SOS2: variants seen among roughly 807,000 people sequenced by gnomAD.
The protein encoded by SOS2 is son of sevenless homolog 2.
A neutral mutation model predicts 148.2 loss-of-function variants in SOS2; 65 were observed. The observed-to-expected ratio is 0.44, with a 90% CI of 0.36 to 0.54. The LOEUF (loss-of-function observed/expected upper bound fraction) is 0.54. Among genes scored for constraint, SOS2 ranks in the 20% least tolerant of loss-of-function variants. The pLI is 0.00. For synonymous variants in SOS2, 539 were observed against 537.1 expected, an observed-to-expected ratio of 1.00 and a Z score of -0.05; for missense variants, 1,341 against 1,590.2, an observed-to-expected ratio of 0.84 and a Z score of 2.67.
Position 50,218,526 on chromosome 14 carries a change from A to C in SOS2, c.87+12671T>G, listed in dbSNP as rs543716804. Among the ~76,000 whole-genome samples, 143 of 147,686 alleles carry C rather than the reference A, an allele frequency of 9.7e-4. 2 individuals are homozygous for C. Among genetic ancestry groups the C allele is most frequent in the Admixed American group, 2.6e-3 (38 of 14,844 alleles). On this transcript the variant is annotated intron_variant, in intron 1 of 22. Coordinates refer to ENST00000216373, the MANE Select transcript of SOS2 (RefSeq NM_006939.4). ...CGACAGAGCAAGACTCCATCCCCCC[A>C]AAAAAAAACAAAAACAAAAACAAAA...
chr14:50,181,757 C>T (rs953161949), intron 6 of SOS2, among the ~76,000 whole-genome samples: 1 of 151,926 alleles, frequency 6.6e-6, no homozygotes, highest in African/African-American at 2.4e-5. Context: ...GATAAGTTAT[C>T]TCTGGGTGTT....
At chr14:50,145,117 A>G in intron 16 of SOS2, 53 bp downstream of exon 16, 1 of 1,026,888 alleles carries the variant, frequency 9.7e-7, no homozygotes. Flanking sequence ...AATTTCTTTT[A>G]TGCTAATTTC....
chr14:50,213,142 A>C (rs1047926871), intron 1 of SOS2, among the ~76,000 whole-genome samples: 27 of 152,208 alleles, frequency 1.8e-4, no homozygotes, highest in Admixed American at 1.7e-3. Context: ...AAAGGAAATT[A>C]TAGGATGAGA....
At chr14:50,141,187 G>C (rs1480758553) in intron 16 of SOS2, among the ~76,000 whole-genome samples, 1 of 106,450 alleles carries the variant, frequency 9.4e-6, no homozygotes, top group Non-Finnish European at 1.7e-5. Flanking sequence ...CTGGGTGACA[G>C]AGCGAGACTC....
chr14:50,178,744 A>ATATAT (rs1555371335), intron 7 of SOS2, among the ~76,000 whole-genome samples: 1 of 140,356 alleles, frequency 7.1e-6, no homozygotes, highest in African/African-American at 2.7e-5. Flanking sequence ...ATATATATAT[A>ATATAT]TTTTTTGGAG....
At chr14:50,220,062 TG>T (rs1186000658) in intron 1 of SOS2, among the ~76,000 whole-genome samples, 1 of 151,684 alleles carries the variant, frequency 6.6e-6, no homozygotes, top group Non-Finnish European at 1.5e-5. Context: ...TCCCTACACC[TG>T]TATGCTTAGC....
intron 8 of SOS2, among the ~76,000 whole-genome samples, chr14:50,167,992 T>C (rs1257657795): frequency 3.3e-5 from 5 of 152,252 alleles, no homozygotes; most frequent in Admixed American, 6.5e-5. Flanking sequence ...TTGTTTCATA[T>C]TGAAATACTG....
At chr14:50,152,375 T>G (rs1456037125) in intron 13 of SOS2, among the ~76,000 whole-genome samples, 1 of 152,032 alleles carries the variant, frequency 6.6e-6, no homozygotes, top group South Asian at 2.1e-4. Flanking sequence ...TTCCAGAAGA[T>G]GTAAATATTA....
At chr14:50,194,721 T>C (rs1321186359) in intron 4 of SOS2, among the ~76,000 whole-genome samples, 2 of 150,622 alleles carry the variant, frequency 1.3e-5, no homozygotes, top group Non-Finnish European at 3.0e-5. Context: ...GAGGTTGCAG[T>C]GAGCCAAGAT....
rs78301753 is a variant in SOS2 at position 50,165,565 on chromosome 14, C to T, written c.1069-3956G>A. 4.3e-3 allele frequency among the ~76,000 whole-genome samples: 651 copies of T among 152,308 alleles called. 4 individuals carry two copies. Among genetic ancestry groups the T allele is most frequent in the African/African-American group, 0.015 (622 of 41,558 alleles). On this transcript the variant is annotated intron_variant, in intron 8 of 22. Transcript: ENST00000216373. ...CTCCTGCTTCATTGATCTCATAGTA[C>T]TACCTCTATTAGGCTCTTATAATAT...
chr14:50,146,167 A>G (rs1270985071), intron 14 of SOS2, among the ~76,000 whole-genome samples: 2 of 151,938 alleles, frequency 1.3e-5, no homozygotes, highest in African/African-American at 4.8e-5. Context: ...AAACGAAAAA[A>G]AAGTCTGATA....
intron 5 of SOS2, 152 bp from the exon 6 acceptor site, chr14:50,182,758 C>T (rs921470998): frequency 3.2e-6 from 2 of 618,662 alleles, no homozygotes; most frequent in Non-Finnish European, 5.6e-6. Context: ...CTGCTGTACG[C>T]TGCCGCTTCA....
In SOS2 at chr14:50,147,879, G is replaced by A. The variant is rs116056537; in HGVS notation, c.2384+2129C>T. On this transcript the variant is annotated intron_variant, in intron 14 of 22. Transcript: ENST00000216373. ...GCTCACACCTGTAATCCCAGCACCT[G>A]GGAGGCCAAGGCAGGAGGACTGCCT... Among the ~76,000 whole-genome samples the A allele has an allele frequency of 2.2e-3, 327 of 151,350 alleles. 2 individuals are homozygous for A. The highest frequency in any genetic ancestry group is 7.3e-3 in the African/African-American group (301 of 41,294).
Position 50,145,546 on chromosome 14 carries a change from T to C in SOS2, c.2435A>G (p.Lys812Arg), listed in dbSNP as rs1884439818. The C allele has an allele frequency of 6.2e-7, 1 of 1,610,872 alleles. No homozygotes were observed. The highest frequency in any genetic ancestry group is 8.5e-7 in the Non-Finnish European group (1 of 1,178,410). The part of the protein sequence containing the change: ...LVGSVWTKED[K>R]EINSPNLLKM... ...TAATAAATTTGGAGAATTTATTTCT[T>C]TATCTTCTTTGGTCCACACACTCCC... The change falls in exon 15 of 23, where the codon AAA (lysine) becomes AGA (arginine). Residue 812 changes from lysine to arginine, a missense_variant. Lys to Arg is a conservative substitution (Grantham distance 26, BLOSUM62 2). Around this residue, in one of 4 missense-constraint regions of SOS2, gnomAD observed 408 missense variants for 506.6 expected, o/e 0.81. Coordinates refer to ENST00000216373, the MANE Select transcript of SOS2 (RefSeq NM_006939.4).
Position 50,231,345 on chromosome 14 carries a change from G to A in SOS2, c.-62C>T, listed in dbSNP as rs988122721. 45 of 794,488 alleles carry A rather than the reference G, an allele frequency of 5.7e-5. No homozygotes were observed. The highest frequency in any genetic ancestry group is 6.6e-5 in the Non-Finnish European group (41 of 616,980). 49.2% of individuals were successfully genotyped at this position (794,488 alleles called of 1,614,324 possible). On this transcript the variant is annotated 5_prime_UTR_variant, in exon 1 of 23. Coordinates refer to ENST00000216373, the MANE Select transcript of SOS2 (RefSeq NM_006939.4). ...CGCGGGCCGGGCCGGTGGCCTGACA[G>A]GCAGGGCGCGGGCCGCCTCGCCTCG...
chr14:50,174,363 A>C lies in SOS2; in HGVS notation c.1068+91T>G, dbSNP rs1295374646. On this transcript the variant is annotated intron_variant, in intron 8 of 22. Transcript: ENST00000216373. ...AAATACTTACATAAAATAAGAATTA[A>C]AAGACTGGTACTGTGTGTCTCCAAA... 3.9e-5 allele frequency: 19 copies of C among 487,028 alleles called. 2 individuals carry two copies. The Admixed American group carries it at 6.8e-4, about 17-fold the overall frequency. 30.2% of individuals were successfully genotyped at this position (487,028 alleles called of 1,614,324 possible).
intron 21 of SOS2, among the ~76,000 whole-genome samples, chr14:50,128,614 G>T (rs747061692): frequency 6.6e-6 from 1 of 152,182 alleles, no homozygotes; most frequent in African/African-American, 2.4e-5. Flanking sequence ...TAAAATTAAT[G>T]ACTCAAGAGA....
intron 7 of SOS2, among the ~76,000 whole-genome samples, chr14:50,174,844 T>C (rs1885472996): frequency 6.6e-6 from 1 of 152,196 alleles, no homozygotes; most frequent in Non-Finnish European, 1.5e-5. Flanking sequence ...AAAGGAATTC[T>C]GAAAAGCTAT....
At chr14:50,220,642 C>T (rs1887177112) in intron 1 of SOS2, among the ~76,000 whole-genome samples, 3 of 151,996 alleles carry the variant, frequency 2.0e-5, no homozygotes, top group Non-Finnish European at 4.4e-5. Flanking sequence ...TCTATTCCTC[C>T]CACTGTCCAT....
Sources: allele counts gnomAD v4.1 joint callset (sites outside exome capture counted in the v4.1 genomes callset), GRCh38; gene constraint gnomAD v4.1.1; regional missense constraint gnomAD v4.1.1; transcripts MANE v1.5; gene names NCBI Gene and HGNC (gene_info 2026-07-23, HGNC 2026-07-21).